The following ATP10B variants were observed in gnomAD, a reference collection of about 807,000 sequenced individuals.
ATP10B encodes the protein ATPase phospholipid transporting 10B (putative), also known as phospholipid-transporting ATPase VB.
A neutral mutation model predicts 141.2 loss-of-function variants in ATP10B; 122 were observed. The observed-to-expected ratio is 0.86, with a 90% confidence interval of 0.75 to 1.00. The LOEUF is 1.00. Among genes scored for constraint, ATP10B ranks in the 50% least tolerant of loss-of-function variants. The probability of loss-of-function intolerance (pLI) is 0.00; values close to 1 mark genes in which losing one functional copy is unlikely to be tolerated. For synonymous variants in ATP10B, 685 were observed against 692.0 expected, an observed-to-expected ratio of 0.99 and a Z score of 0.16; for missense variants, 1,876 against 1,825.3, an observed-to-expected ratio of 1.03 and a Z score of -0.51.
At chr5:160,917,190 G>A in the ATP10B span, among the ~76,000 whole-genome samples, 2 of 151,324 alleles carry the variant, frequency 1.3e-5, no homozygotes, top group African/African-American at 4.9e-5. Flanking sequence ...GAGGCACAGA[G>A]AACAGGTAGC....
the ATP10B span, among the ~76,000 whole-genome samples, chr5:160,891,102 T>A: frequency 6.6e-6 from 1 of 152,208 alleles, no homozygotes; most frequent in Admixed American, 6.5e-5. Flanking sequence ...ACTGTAGTTC[T>A]CTGTTTAACT....
chr5:160,692,547 G>A (rs561855178), intron 3 of ATP10B: 1 of 152,290 alleles, frequency 6.6e-6, no homozygotes, highest in Non-Finnish European at 1.5e-5. Flanking sequence ...TGACATTAGA[G>A]TCATAAGGGT....
intron 1 of ATP10B, among the ~76,000 whole-genome samples, chr5:160,795,546 A>C (rs1462253204): frequency 6.7e-6 from 1 of 150,226 alleles, no homozygotes; most frequent in African/African-American, 2.5e-5. Context: ...AGATATGTCC[A>C]TGTGCCAATC....
chr5:160,795,849 G>C (rs1414820166), intron 1 of ATP10B, among the ~76,000 whole-genome samples: 1 of 152,146 alleles, frequency 6.6e-6, no homozygotes, highest in Non-Finnish European at 1.5e-5. Context: ...CCCAGAGGAA[G>C]CATGGCTCTG....
chr5:160,814,691 A>G (rs1275510109), intron 1 of ATP10B, among the ~76,000 whole-genome samples: 4 of 152,200 alleles, frequency 2.6e-5, no homozygotes, highest in Admixed American at 6.5e-5. Flanking sequence ...TGTCAGATTC[A>G]CCAAAGTTGA....
At chr5:160,768,657 A>C (rs1769661948) in intron 2 of ATP10B, among the ~76,000 whole-genome samples, 2 of 152,234 alleles carry the variant, frequency 1.3e-5, no homozygotes, top group Admixed American at 1.3e-4. Flanking sequence ...GTAGGAAACA[A>C]CATAAGCCAA....
the ATP10B span, among the ~76,000 whole-genome samples, chr5:160,867,511 C>T: frequency 2.2e-4 from 34 of 152,192 alleles, no homozygotes; most frequent in African/African-American, 8.2e-4. Context: ...TGCCACATAG[C>T]AGAATGTCAA....
chr5:160,800,237 A>G (rs1772286442), intron 1 of ATP10B, among the ~76,000 whole-genome samples: 1 of 152,252 alleles, frequency 6.6e-6, no homozygotes, highest in South Asian at 2.1e-4. Context: ...GCAACTTAGT[A>G]GCTAAACAAC....
At chr5:160,601,473 C>T (rs911437754) in intron 21 of ATP10B, among the ~76,000 whole-genome samples, 2 of 152,146 alleles carry the variant, frequency 1.3e-5, no homozygotes, top group African/African-American at 4.8e-5. Context: ...CCTCCATTAG[C>T]CTAGCACGGT....
chr5:160,751,706 C>A (rs988314196), intron 2 of ATP10B, among the ~76,000 whole-genome samples: 1 of 152,048 alleles, frequency 6.6e-6, no homozygotes, highest in African/African-American at 2.4e-5. Context: ...TCTGGAACTT[C>A]ATGAAAGCTT....
At chr5:160,840,319 G>A (rs962155796) in intron 1 of ATP10B, among the ~76,000 whole-genome samples, 1 of 151,768 alleles carries the variant, frequency 6.6e-6, no homozygotes, top group Non-Finnish European at 1.5e-5. Context: ...CTATGAAGGG[G>A]GTATAGTCCT....
chr5:160,824,148 A>G (rs1774396074), intron 1 of ATP10B, among the ~76,000 whole-genome samples: 1 of 151,806 alleles, frequency 6.6e-6, no homozygotes, highest in Admixed American at 6.6e-5. Context: ...CAGCCTCCCG[A>G]GCAGCTGGGA....
chr5:160,881,816 GAATA>G, the ATP10B span, among the ~76,000 whole-genome samples: 20,908 of 151,624 alleles, frequency 0.14, 1,547 homozygotes, highest in African/African-American at 0.19. Context: ...ATCTTAAAAT[GAATA>G]AATAAATAAA....
chr5:160,700,279 C>T (rs1764599031), intron 3 of ATP10B, among the ~76,000 whole-genome samples: 1 of 152,136 alleles, frequency 6.6e-6, no homozygotes, highest in Non-Finnish European at 1.5e-5. Context: ...CTTCTATATC[C>T]CACTAACCAG....
intron 18 of ATP10B, chr5:160,612,183 G>GA (rs1347340814): frequency 6.6e-6 from 1 of 152,076 alleles, no homozygotes; most frequent in Non-Finnish European, 1.5e-5. Flanking sequence ...TTCCTTTCAG[G>GA]TTTTTACTCT....
chr5:160,705,134 G>A (rs1764926391), intron 3 of ATP10B, among the ~76,000 whole-genome samples: 1 of 151,714 alleles, frequency 6.6e-6, no homozygotes, highest in African/African-American at 2.4e-5. Flanking sequence ...TAGCCAGGAT[G>A]GTCTCGATCT....
Position 160,565,242 on chromosome 5 carries a change from C to A in ATP10B, c.*211G>T, listed in dbSNP as rs997210349. The stretch of plus-strand genomic sequence containing the variant: ...TCCAAACTGTTTGCAAGATGTGCTG[C>A]CTGAGAGCAGCAGAAAACTAGAGGC... On this transcript the variant is annotated 3_prime_UTR_variant, in exon 26 of 26. Coordinates refer to ENST00000327245, the MANE Select transcript of ATP10B (RefSeq NM_025153.3). 5.1e-6 allele frequency: 3 copies of A among 582,684 alleles called. No individual in the cohort carries two copies. The African/African-American group carries it at 5.6e-5, about 11-fold the overall frequency. 36.1% of individuals were successfully genotyped at this position (582,684 alleles called of 1,614,324 possible).
chr5:160,633,519 T>A (rs1421770791), intron 12 of ATP10B: 1 of 151,480 alleles, frequency 6.6e-6, no homozygotes, highest in African/African-American at 2.4e-5. Context: ...CACATGGACA[T>A]GGAGGGGAAC....
intron 7 of ATP10B, among the ~76,000 whole-genome samples, chr5:160,669,471 C>T (rs1762525578): frequency 6.6e-6 from 1 of 152,072 alleles, no homozygotes; most frequent in Non-Finnish European, 1.5e-5. Context: ...GACCCCAGAG[C>T]CAGAGCTTTT....
Sources: gnomAD v4.1 joint callset for allele counts (sites outside exome capture counted in the v4.1 genomes callset) on GRCh38, gnomAD v4.1.1 for gene constraint, MANE v1.5 for transcripts, NCBI Gene and HGNC (gene_info 2026-07-23, HGNC 2026-07-21) for gene names.